Variants in NRG3 observed in about 807,000 individuals in gnomAD.
The protein encoded by NRG3 is pro-neuregulin-3, membrane-bound isoform.
In NRG3, 31 loss-of-function variants were observed where a neutral mutation model predicts 66.9. The observed-to-expected ratio is 0.46, with a 90% CI of 0.35 to 0.63. The LOEUF is 0.63. Among genes scored for constraint, NRG3 ranks in the 20% least tolerant of loss-of-function variants. The pLI, the probability that NRG3 is intolerant of heterozygous loss-of-function variation, is 0.00. For synonymous variants in NRG3, 393 were observed against 359.4 expected, an observed-to-expected ratio of 1.09 and a Z score of -1.06; for missense variants, 910 against 878.9, an observed-to-expected ratio of 1.04 and a Z score of -0.45.
chr10:82,541,333 A>G (rs1404010165), intron 2 of NRG3, among the ~76,000 whole-genome samples: 1 of 152,204 alleles, frequency 6.6e-6, no homozygotes, highest in Non-Finnish European at 1.5e-5. Context: ...TCCACAGACA[A>G]GAACCCCTCG....
At chr10:82,910,496 A>G (rs1297356648) in intron 4 of NRG3, among the ~76,000 whole-genome samples, 5 of 152,230 alleles carry the variant, frequency 3.3e-5, no homozygotes, top group Non-Finnish European at 7.3e-5. Context: ...CTAAGTTCTT[A>G]CTTGTCTATT....
intron 2 of NRG3, among the ~76,000 whole-genome samples, chr10:82,521,191 AT>A (rs1846142445): frequency 6.6e-6 from 1 of 152,204 alleles, no homozygotes; most frequent in Non-Finnish European, 1.5e-5. Flanking sequence ...TGTACAAAAA[AT>A]ACCTTAATTA....
chr10:82,293,944 A>G (rs1374122619), intron 1 of NRG3, among the ~76,000 whole-genome samples: 2 of 150,960 alleles, frequency 1.3e-5, no homozygotes, highest in Non-Finnish European at 2.9e-5. Flanking sequence ...TTCTTTCTCT[A>G]TCTTGACTTC....
chr10:82,099,086 A>G (rs2066558740), intron 1 of NRG3, among the ~76,000 whole-genome samples: 2 of 152,160 alleles, frequency 1.3e-5, no homozygotes, highest in Admixed American at 1.3e-4. Context: ...TTGACAGAGC[A>G]AAGATTTTAA....
chr10:82,167,204 C>T (rs2072151263), intron 1 of NRG3, among the ~76,000 whole-genome samples: 1 of 151,790 alleles, frequency 6.6e-6, no homozygotes, highest in African/African-American at 2.4e-5. Context: ...TATTCAATGT[C>T]AGACATTGCA....
intron 1 of NRG3, among the ~76,000 whole-genome samples, chr10:82,162,959 T>G (rs565940259): frequency 1.8e-3 from 270 of 152,210 alleles, no homozygotes; most frequent in African/African-American, 6.0e-3. Context: ...TGGGAACTAG[T>G]TGGCAGGGTG....
intron 1 of NRG3, among the ~76,000 whole-genome samples, chr10:82,296,211 AG>A (rs1320363470): frequency 6.6e-6 from 1 of 152,202 alleles, no homozygotes; most frequent in African/African-American, 2.4e-5. Flanking sequence ...CGCAGCTCAG[AG>A]AGGAAGAGGA....
At position 82,661,553 on chromosome 10, in the gene NRG3, T is replaced by A. The variant is rs577160414; in HGVS notation, c.954-77024T>A. Among the ~76,000 whole-genome samples the A allele has an allele frequency of 1.8e-3, 281 of 152,320 alleles. 1 individual carries two copies. Among genetic ancestry groups the A allele is most frequent in the Non-Finnish European group, 2.7e-3 (185 of 68,024 alleles). ...TTTCATAGGGCTACTAAAATTATTATGTGCCTTTCTATTATTGGTACTCTG... is the reference window on the plus strand; with the variant it reads ...TTTCATAGGGCTACTAAAATTATTAAGTGCCTTTCTATTATTGGTACTCTG... On this transcript the variant is annotated intron_variant, in intron 2 of 8. Coordinates refer to ENST00000372141, the MANE Select transcript of NRG3 (RefSeq NM_001010848.4).
chr10:82,907,034 A>G (rs887069909), intron 4 of NRG3, among the ~76,000 whole-genome samples: 21 of 152,218 alleles, frequency 1.4e-4, no homozygotes, highest in African/African-American at 4.8e-4. Flanking sequence ...AACTGCAGTC[A>G]ATACAAACTG....
At chr10:82,969,558 C>G (rs528192066) in intron 6 of NRG3, among the ~76,000 whole-genome samples, 1 of 152,306 alleles carries the variant, frequency 6.6e-6, no homozygotes, top group Non-Finnish European at 1.5e-5. Context: ...ACTGACCAGC[C>G]TTTATAGGTC....
chr10:82,128,846 C>G (rs1041695660), intron 1 of NRG3, among the ~76,000 whole-genome samples: 9 of 151,882 alleles, frequency 5.9e-5, no homozygotes, highest in Admixed American at 5.9e-4. Context: ...ACATTTCAGC[C>G]AATAATAACC....
intron 2 of NRG3, among the ~76,000 whole-genome samples, chr10:82,572,954 C>G (rs530719131): frequency 6.6e-6 from 1 of 151,784 alleles, no homozygotes; most frequent in African/African-American, 2.4e-5. Flanking sequence ...GCAGCTTGCT[C>G]AAGCAGGGCT....
intron 2 of NRG3, among the ~76,000 whole-genome samples, chr10:82,611,646 A>G (rs1242520290): frequency 6.6e-6 from 1 of 151,962 alleles, no homozygotes; most frequent in East Asian, 1.9e-4. Flanking sequence ...TATGTGCCAC[A>G]TTTTCTTAAT....
intron 1 of NRG3, among the ~76,000 whole-genome samples, chr10:82,176,443 CT>C (rs1262793034): frequency 3.9e-5 from 6 of 152,086 alleles, no homozygotes; most frequent in African/African-American, 1.4e-4. Flanking sequence ...CCTCTTTTTG[CT>C]CTCAGCAGAG....
At position 82,462,248 on chromosome 10, in the gene NRG3, C is replaced by T. The variant is rs537563775; in HGVS notation, c.953+103380C>T. On this transcript the variant is annotated intron_variant, in intron 2 of 8. Transcript: ENST00000372141. ...AAAAGAAAAGTGTGAGACTTTGAATCATAGAAGTTCAAATATATTCCAGAG... is the reference window on the plus strand; with the variant it reads ...AAAAGAAAAGTGTGAGACTTTGAATTATAGAAGTTCAAATATATTCCAGAG... 2.0e-4 allele frequency among the ~76,000 whole-genome samples: 30 copies of T among 152,134 alleles called. No individual in the cohort carries two copies. The South Asian group carries it at 6.2e-3, about 32-fold the overall frequency.
chr10:82,858,135 G>T (rs887837726), intron 3 of NRG3, among the ~76,000 whole-genome samples: 50 of 152,290 alleles, frequency 3.3e-4, no homozygotes, highest in African/African-American at 1.1e-3. Context: ...GTCCCTTGTT[G>T]ACACAGCACT....
intron 2 of NRG3, among the ~76,000 whole-genome samples, chr10:82,688,013 A>C (rs1319360468): frequency 6.6e-6 from 1 of 152,202 alleles, no homozygotes; most frequent in African/African-American, 2.4e-5. Context: ...AGCCACATTC[A>C]GTACATCCTT....
intron 2 of NRG3, among the ~76,000 whole-genome samples, chr10:82,556,738 C>T (rs1291681203): frequency 6.6e-6 from 1 of 152,124 alleles, no homozygotes; most frequent in African/African-American, 2.4e-5. Flanking sequence ...TTCCATCACC[C>T]AGGTATTAAG....
At chr10:82,837,526 G>A (rs976386232) in intron 3 of NRG3, among the ~76,000 whole-genome samples, 8 of 152,142 alleles carry the variant, frequency 5.3e-5, no homozygotes, top group Middle Eastern at 3.4e-3. Context: ...AAATAAAGAA[G>A]ACGAAAAAAT....
Sources: gnomAD v4.1 joint callset for allele counts (sites outside exome capture counted in the v4.1 genomes callset) on GRCh38, gnomAD v4.1.1 for gene constraint, MANE v1.5 for transcripts, NCBI Gene and HGNC (gene_info 2026-07-23, HGNC 2026-07-21) for gene names.